The following FBXL17 variants were observed in gnomAD, a reference collection of about 807,000 sequenced individuals.
FBXL17 encodes the protein F-box and leucine rich repeat protein 17.
In FBXL17, 22 loss-of-function variants were observed where a neutral mutation model predicts 66.2. The ratio of observed to expected loss-of-function variants is 0.33; its 90% CI spans 0.24 to 0.47. The LOEUF is 0.47. Ranked by LOEUF, FBXL17 falls within the 20% of genes least tolerant of loss-of-function variation. The pLI is 1.00. For synonymous variants in FBXL17, 474 were observed against 400.5 expected, an observed-to-expected ratio of 1.18 and a Z score of -2.19; for missense variants, 878 against 948.2, an observed-to-expected ratio of 0.93 and a Z score of 0.97.
At chr5:108,316,914 C>T (rs1370245162) in intron 4 of FBXL17, among the ~76,000 whole-genome samples, 1 of 150,792 alleles carries the variant, frequency 6.6e-6, no homozygotes, top group East Asian at 1.9e-4. Context: ...GTTTTAACAT[C>T]GAACCAATAA....
At chr5:108,047,019 G>T (rs1401200941) in intron 6 of FBXL17, among the ~76,000 whole-genome samples, 2 of 152,044 alleles carry the variant, frequency 1.3e-5, no homozygotes, top group South Asian at 2.1e-4. Context: ...CTTGGATTGG[G>T]TGGGGCCAAG....
chr5:107,980,021 C>A (rs1752746173), intron 7 of FBXL17, among the ~76,000 whole-genome samples: 1 of 152,052 alleles, frequency 6.6e-6, no homozygotes, highest in African/African-American at 2.4e-5. Flanking sequence ...AAGAAATAGT[C>A]ATTTATTTGA....
intron 6 of FBXL17, among the ~76,000 whole-genome samples, chr5:108,063,683 T>A (rs1748008651): frequency 6.6e-6 from 1 of 151,138 alleles, no homozygotes; most frequent in African/African-American, 2.5e-5. Context: ...ATCTTCCTTA[T>A]GTTTAAAAAA....
intron 8 of FBXL17, among the ~76,000 whole-genome samples, chr5:107,868,303 A>G (rs906015720): frequency 2.0e-5 from 3 of 152,164 alleles, no homozygotes; most frequent in African/African-American, 7.2e-5. Context: ...TCGTTTTTTT[A>G]CTGAACATAA....
chr5:108,161,231 C>T (rs1043006947), intron 6 of FBXL17, among the ~76,000 whole-genome samples: 6 of 150,542 alleles, frequency 4.0e-5, no homozygotes, highest in African/African-American at 1.2e-4. Flanking sequence ...ACCTGTAATC[C>T]CAGCACTTTG....
chr5:107,931,980 G>C (rs1385662982), intron 7 of FBXL17, among the ~76,000 whole-genome samples: 3 of 152,130 alleles, frequency 2.0e-5, no homozygotes, highest in Non-Finnish European at 4.4e-5. Flanking sequence ...TAAAAGTACA[G>C]ATTCCTGAAT....
intron 4 of FBXL17, among the ~76,000 whole-genome samples, chr5:108,261,086 T>C (rs961230790): frequency 6.6e-6 from 1 of 152,034 alleles, no homozygotes; most frequent in Non-Finnish European, 1.5e-5. Context: ...ACAATAGAGA[T>C]AAACAGTAGG....
intron 4 of FBXL17, among the ~76,000 whole-genome samples, chr5:108,239,974 A>G (rs1273410914): frequency 6.6e-6 from 1 of 152,044 alleles, no homozygotes; most frequent in Non-Finnish European, 1.5e-5. Context: ...AGAACCTGCC[A>G]TCTTGAAGGG....
chr5:108,252,752 G>C (rs1756410136), intron 4 of FBXL17, among the ~76,000 whole-genome samples: 1 of 152,102 alleles, frequency 6.6e-6, no homozygotes, highest in African/African-American at 2.4e-5. Flanking sequence ...GCCCACAAGA[G>C]CTGTATACAT....
At chr5:108,380,648 G>C in intron 1 of FBXL17, 51 bp downstream of exon 1, 1 of 1,063,738 alleles carries the variant, frequency 9.4e-7, no homozygotes, top group South Asian at 4.8e-5. Context: ...CGGAGGCGGG[G>C]GCCGGGGGTG....
intron 4 of FBXL17, among the ~76,000 whole-genome samples, chr5:108,244,845 G>C (rs1298936692): frequency 1.3e-5 from 2 of 152,018 alleles, no homozygotes; most frequent in African/African-American, 4.8e-5. Flanking sequence ...GTATATAACA[G>C]GTTTACCTGT....
intron 6 of FBXL17, among the ~76,000 whole-genome samples, chr5:108,096,933 A>G (rs575972991): frequency 5.3e-5 from 8 of 152,344 alleles, no homozygotes; most frequent in African/African-American, 1.9e-4. Context: ...GTAAAGGCAC[A>G]TGCATGGGGC....
intron 5 of FBXL17, among the ~76,000 whole-genome samples, chr5:108,186,775 G>GAAAAAAAAAAAAAAAAAAAAAA (rs374009151): frequency 1.2e-5 from 1 of 83,110 alleles, no homozygotes. Context: ...ATCAAAAAAA[G>GAAAAAAAAAAAAAAAAAAAAAA]AAAAAAAAAA....
intron 4 of FBXL17, among the ~76,000 whole-genome samples, chr5:108,251,877 A>G (rs956662756): frequency 2.0e-5 from 3 of 152,094 alleles, no homozygotes; most frequent in Admixed American, 6.6e-5. Context: ...AGATATAGAC[A>G]TATTCATTGA....
intron 7 of FBXL17, among the ~76,000 whole-genome samples, chr5:108,013,843 G>A (rs547595888): frequency 9.9e-5 from 15 of 152,042 alleles, no homozygotes; most frequent in South Asian, 4.2e-4. Context: ...AATAGTTCTC[G>A]TAATAGAGAA....
chr5:108,353,088 T>C (rs1376397717), intron 3 of FBXL17, among the ~76,000 whole-genome samples: 6 of 152,222 alleles, frequency 3.9e-5, no homozygotes, highest in African/African-American at 2.4e-5. Flanking sequence ...GTAACTGTAA[T>C]GCTTGCTTTA....
chr5:108,312,527 T>C (rs1246572933), intron 4 of FBXL17, among the ~76,000 whole-genome samples: 1 of 151,852 alleles, frequency 6.6e-6, no homozygotes, highest in Non-Finnish European at 1.5e-5. Context: ...GATGCCAAAG[T>C]ATGAGTAAAA....
At chr5:108,252,848 A>G (rs1756415580) in intron 4 of FBXL17, among the ~76,000 whole-genome samples, 2 of 152,164 alleles carry the variant, frequency 1.3e-5, no homozygotes, top group South Asian at 2.1e-4. Context: ...TTATGCTCTA[A>G]TTGAAAAATT....
At chr5:108,317,518 G>C (rs1448634655) in intron 4 of FBXL17, among the ~76,000 whole-genome samples, 1 of 150,344 alleles carries the variant, frequency 6.7e-6, no homozygotes, top group Non-Finnish European at 1.5e-5. Context: ...AATTTTTGGA[G>C]ATTTTTAAAA....
Sources: allele counts gnomAD v4.1 joint callset (sites outside exome capture counted in the v4.1 genomes callset), GRCh38; gene constraint gnomAD v4.1.1; transcripts MANE v1.5; gene names NCBI Gene and HGNC (gene_info 2026-07-23, HGNC 2026-07-21).